The following ARHGAP29 variants were observed in gnomAD, a reference collection of about 807,000 sequenced individuals.
ARHGAP29 encodes the protein rho GTPase-activating protein 29.
In ARHGAP29, 43 loss-of-function variants were observed where a neutral mutation model predicts 122.6. That is an observed-to-expected ratio of 0.35 (90% CI 0.27 to 0.45). The LOEUF (loss-of-function observed/expected upper bound fraction) is 0.45. Ranked by LOEUF, ARHGAP29 falls within the 20% of genes least tolerant of loss-of-function variation. ARHGAP29 has a pLI of 1.00. For synonymous variants in ARHGAP29, 506 were observed against 497.1 expected (o/e 1.02, Z -0.24); for missense variants, 1,303 against 1,477.2 (o/e 0.88, Z 1.93).
At chr1:94,227,589 T>C (rs6673491) in intron 2 of ARHGAP29, among the ~76,000 whole-genome samples, 132,222 of 151,670 alleles carry the variant, frequency 0.87, 57,967 homozygotes, top group Non-Finnish European at 0.92. Context: ...AGATATTTTA[T>C]ACTATTCTTT....
At position 94,170,454 on chromosome 1, in the gene ARHGAP29, GGCAACTAAAT is replaced by G. The variant is rs1266679282; in HGVS notation, c.*3405_*3414del. The stretch of plus-strand genomic sequence containing the variant: ...CTGGACTGAATGAAACAAGAGATAG[GGCAACTAAAT>G]GCACTATGTGGTCCTGGATTGGGAT... On this transcript the variant is annotated 3_prime_UTR_variant, in exon 23 of 23. Transcript: ENST00000260526. Among the ~76,000 whole-genome samples, 8 of 152,198 alleles carry G rather than the reference GGCAACTAAAT, an allele frequency of 5.3e-5. No individual in the cohort carries two copies. Among genetic ancestry groups the G allele is most frequent in the African/African-American group, 1.9e-4 (8 of 41,548 alleles).
rs751724765 is a variant in ARHGAP29 at position 94,220,417 on chromosome 1, T to A, written c.206-25A>T. The A allele has an allele frequency of 1.9e-6, 3 of 1,544,430 alleles. No individual in the cohort carries two copies. In the African/African-American group the frequency reaches 4.2e-5, roughly 22 times the overall value. ...TCTTTAAAAAGAAAAAAAAATAATTTATTTCCAGAGCAAAGTTCCACAAAT... is the reference window on the plus strand; with the variant it reads ...TCTTTAAAAAGAAAAAAAAATAATTAATTTCCAGAGCAAAGTTCCACAAAT... On this transcript the variant is annotated intron_variant, in intron 2 of 22. Coordinates refer to ENST00000260526, the MANE Select transcript of ARHGAP29 (RefSeq NM_004815.4).
chr1:94,247,795 C>T (rs1214918638), intron 1 of ARHGAP29: 1 of 361,246 alleles, frequency 2.8e-6, no homozygotes, highest in African/African-American at 2.2e-5. Flanking sequence ...GAGCCCAGCC[C>T]ATTGGCCTGG....
intron 1 of ARHGAP29, 98 bp downstream of exon 1, chr1:94,237,317 C>T: frequency 2.3e-6 from 2 of 872,552 alleles, no homozygotes; most frequent in Non-Finnish European, 2.8e-6. Flanking sequence ...GCGGGCCTCC[C>T]GGACCCTGGA....
At chr1:94,277,161 G>A (rs1655223676), upstream of ARHGAP29, among the ~76,000 whole-genome samples, 1 of 152,164 alleles carries the variant, frequency 6.6e-6, no homozygotes, top group African/African-American at 2.4e-5. Context: ...ACTTTGGAAT[G>A]TATTTTTATT....
chr1:94,266,735 A>G (rs1404135767), intron 1 of ARHGAP29, among the ~76,000 whole-genome samples: 1 of 152,212 alleles, frequency 6.6e-6, no homozygotes, highest in Non-Finnish European at 1.5e-5. Context: ...CTTAGTATTC[A>G]TAGCCTCTCT....
upstream of ARHGAP29, among the ~76,000 whole-genome samples, chr1:94,278,845 TAAATACAAGC>T (rs1655268008): frequency 2.0e-5 from 3 of 152,228 alleles, no homozygotes; most frequent in South Asian, 6.2e-4. Flanking sequence ...CAACTGTCAA[TAAATACAAGC>T]AAATGCTTAA....
chr1:94,224,657 G>A (rs1439335682), intron 2 of ARHGAP29, among the ~76,000 whole-genome samples: 3 of 152,022 alleles, frequency 2.0e-5, no homozygotes, highest in Admixed American at 1.3e-4. Flanking sequence ...TTTTAACAGT[G>A]TAAAAAGGTC....
chr1:94,271,942 T>A (rs888478715), intron 1 of ARHGAP29, among the ~76,000 whole-genome samples: 1 of 152,200 alleles, frequency 6.6e-6, no homozygotes, highest in Non-Finnish European at 1.5e-5. Flanking sequence ...TGCCCCCATC[T>A]TGGCAGGAGT....
chr1:94,183,216 A>T (rs1015142913), intron 19 of ARHGAP29, among the ~76,000 whole-genome samples: 4 of 152,036 alleles, frequency 2.6e-5, no homozygotes, highest in South Asian at 4.2e-4. Flanking sequence ...TTTTTTTTTT[A>T]AAAAGGATCC....
intron 11 of ARHGAP29, 153 bp from the exon 12 acceptor site, chr1:94,202,010 T>C: frequency 2.8e-6 from 2 of 718,704 alleles, no homozygotes; most frequent in South Asian, 4.4e-5. Flanking sequence ...GGTCAGTGAT[T>C]CAAAGGCAGT....
At chr1:94,297,342 A>G in the ARHGAP29 span, among the ~76,000 whole-genome samples, 1 of 152,204 alleles carries the variant, frequency 6.6e-6, no homozygotes, top group Non-Finnish European at 1.5e-5. Flanking sequence ...TCAATTCTTA[A>G]TATTTTATGT....
At chr1:94,222,076 G>A (rs1652331864) in intron 2 of ARHGAP29, among the ~76,000 whole-genome samples, 1 of 151,682 alleles carries the variant, frequency 6.6e-6, no homozygotes, top group African/African-American at 2.4e-5. Flanking sequence ...AATGGCCAAA[G>A]CTGGAACAAT....
chr1:94,202,795 G>A, intron 10 of ARHGAP29, 63 bp from the exon 11 acceptor site: 2 of 1,564,542 alleles, frequency 1.3e-6, no homozygotes, highest in South Asian at 2.4e-5. Context: ...AGTGTCTTTA[G>A]CATATTCAGC....
the ARHGAP29 span, among the ~76,000 whole-genome samples, chr1:94,311,056 G>C: frequency 2.0e-5 from 3 of 152,114 alleles, no homozygotes; most frequent in Admixed American, 2.0e-4. Context: ...CACCTTCCTT[G>C]CCTCTCTCCT....
intron 1 of ARHGAP29, among the ~76,000 whole-genome samples, chr1:94,263,263 G>A (rs982536430): frequency 5.3e-5 from 8 of 152,042 alleles, no homozygotes; most frequent in Non-Finnish European, 1.0e-4. Flanking sequence ...GTTGAGAGGA[G>A]GGAGAAGATC....
Position 94,173,696 on chromosome 1 carries a change from A to G in ARHGAP29, c.*173T>C. On this transcript the variant is annotated 3_prime_UTR_variant, in exon 23 of 23. Coordinates refer to ENST00000260526, the MANE Select transcript of ARHGAP29 (RefSeq NM_004815.4). The stretch of plus-strand genomic sequence containing the variant: ...TGAGGCACAAATGTGACCCTATCAA[A>G]ACATTCTACCATTCAGTATTACCAA... 1.4e-6 allele frequency: 1 copy of G among 714,660 alleles called. No homozygotes were observed. Among genetic ancestry groups the G allele is most frequent in the Non-Finnish European group, 2.2e-6 (1 of 452,656 alleles). 44.3% of individuals were successfully genotyped at this position (714,660 alleles called of 1,614,324 possible). A position where few individuals can be genotyped will look rare whatever the true frequency, so the allele number is the denominator to read the frequency against.
At chr1:94,295,679 A>G in the ARHGAP29 span, among the ~76,000 whole-genome samples, 1,711 of 142,592 alleles carry the variant, frequency 0.012, 33 homozygotes, top group African/African-American at 0.042. Flanking sequence ...AGCAGGAAAC[A>G]TGAAATACTT....
At position 94,185,170 on chromosome 1, in the gene ARHGAP29, C is replaced by A. The variant is rs566253591; in HGVS notation, c.1921-110G>T. On this transcript the variant is annotated intron_variant, in intron 17 of 22. Transcript: ENST00000260526. ...AAATGAGTTTAAGAGGTATTACTTG[C>A]GCTATTTGAAACAGATTTAACAACA... The A allele has an allele frequency of 4.1e-6, 5 of 1,217,432 alleles. No homozygotes were observed. The African/African-American group carries it at 7.8e-5, about 19-fold the overall frequency. 75.4% of individuals were successfully genotyped at this position (1,217,432 alleles called of 1,614,324 possible).
Sources: allele counts gnomAD v4.1 joint callset (sites outside exome capture counted in the v4.1 genomes callset), GRCh38; gene constraint gnomAD v4.1.1; transcripts MANE v1.5; gene names NCBI Gene and HGNC (gene_info 2026-07-23, HGNC 2026-07-21).